The following MEX3D variants were observed in gnomAD, a reference collection of about 807,000 sequenced individuals.
MEX3D encodes RNA-binding protein MEX3D.
A neutral mutation model predicts 6.3 loss-of-function variants in MEX3D; 4 were observed. That is an observed-to-expected ratio of 0.64 (90% CI 0.31 to 1.46). The LOEUF is 1.46. Among genes scored for constraint, MEX3D ranks in the 40% most tolerant of loss-of-function variants. The pLI is 0.07. For synonymous variants in MEX3D, 626 were observed against 494.1 expected (o/e 1.27, Z -3.54); for missense variants, 1,038 against 994.4 (o/e 1.04, Z -0.59).
Position 1,555,123 on chromosome 19 carries a change from C to G in MEX3D, c.*440G>C. The G allele has an allele frequency of 3.0e-6, 1 of 334,346 alleles. No homozygotes were observed. The highest frequency in any genetic ancestry group is 1.1e-4 in the East Asian group (1 of 8,828). 20.7% of individuals were successfully genotyped at this position (334,346 alleles called of 1,614,324 possible). On this transcript the variant is annotated 3_prime_UTR_variant, in exon 2 of 2. Coordinates refer to ENST00000402693, the MANE Select transcript of MEX3D (RefSeq NM_203304.4). Reference sequence around the variant, plus strand: ...AAAATGTCACCCTCCTCCTCTGGAACGTCTGTGCGGCCTGAGACCGGCCGG... The same window carrying G: ...AAAATGTCACCCTCCTCCTCTGGAAGGTCTGTGCGGCCTGAGACCGGCCGG...
rs1435281198 is a variant in MEX3D, at chr19:1,565,613, TCA to T, written c.595+1849_595+1850del. On this transcript the variant is annotated intron_variant, in intron 1 of 1. Coordinates refer to ENST00000402693, the MANE Select transcript of MEX3D (RefSeq NM_203304.4). ...CTAATGGAGGTGAGACGTCCGCACA[TCA>T]CAGAGAGGGGCCGTCATCTGCGCAG... Among the ~76,000 whole-genome samples the T allele has an allele frequency of 2.6e-5, 4 of 152,146 alleles. No individual in the cohort carries two copies. In the East Asian group the frequency reaches 7.7e-4, roughly 29 times the overall value.
intron 1 of MEX3D, among the ~76,000 whole-genome samples, chr19:1,558,978 T>C (rs1914651763): frequency 6.6e-6 from 1 of 151,184 alleles, no homozygotes; most frequent in South Asian, 2.1e-4. Flanking sequence ...GGGGCCTTAA[T>C]GGTTTTTTTT....
At chr19:1,565,366 A>AC (rs1477745935) in intron 1 of MEX3D, among the ~76,000 whole-genome samples, 1 of 152,064 alleles carries the variant, frequency 6.6e-6, no homozygotes, top group African/African-American at 2.4e-5. Context: ...ACATGGTGAA[A>AC]CCCCGTCTCT....
rs1340267229 is a variant in MEX3D, at chr19:1,556,188, C to A, written c.1331G>T (p.Gly444Val). 1.4e-6 allele frequency: 2 copies of A among 1,454,308 alleles called. No homozygotes were observed. Among genetic ancestry groups the A allele is most frequent in the Middle Eastern group, 2.2e-4 (1 of 4,620 alleles). The allele number at this position is 1,454,308 out of a possible 1,614,324, so 90.1% of individuals were successfully genotyped here. ...GTCGCAGTCGTCGGGGGCGGCCGTC[C>A]CCACCGGGGCACCGGGACCCTCCGC... ...FGAEGPGAPV[G>V]TAAPDDCDFG... is the part of the protein sequence containing the mutation. The change falls in exon 2 of 2, where the codon GGG becomes GTG. Residue 444 changes from glycine to valine, a missense_variant. Transcript: ENST00000402693. The surrounding 1 kb of genome is among the most constrained non-coding windows in gnomAD (Gnocchi z 7.5).
intron 1 of MEX3D, among the ~76,000 whole-genome samples, chr19:1,563,707 C>A (rs944685544): frequency 6.6e-6 from 1 of 152,126 alleles, no homozygotes; most frequent in Non-Finnish European, 1.5e-5. Context: ...TGCCTGTCTC[C>A]CAGACAGGGC....
Position 1,555,948 on chromosome 19 carries a change from C to A in MEX3D, c.1571G>T (p.Arg524Leu), listed in dbSNP as rs1230314184. The change falls in exon 2 of 2, where the codon CGC (arginine) becomes CTC (leucine). Residue 524 changes from arginine to leucine, a missense_variant. By Grantham distance (102) the Arg-to-Leu change is moderately radical. Around this residue, in one of 5 missense-constraint regions of MEX3D, gnomAD observed 581 missense variants for 516.2 expected, o/e 1.13. Coordinates refer to ENST00000402693, the MANE Select transcript of MEX3D (RefSeq NM_203304.4). Reference sequence around the variant, plus strand: ...ACGGCGAGACAGCGGGAGCTCCAGGCGGAGGCCGCCGGGCTCGGGCAGCGT... The same window carrying A: ...ACGGCGAGACAGCGGGAGCTCCAGGAGGAGGCCGCCGGGCTCGGGCAGCGT... ...SPTLPEPGGLRLELPLSRRGA... is the reference protein window; with the variant it reads ...SPTLPEPGGLLLELPLSRRGA... 13 of 1,171,640 alleles carry A rather than the reference C, an allele frequency of 1.1e-5. No homozygotes were observed. In the East Asian group the frequency reaches 5.0e-4, roughly 45 times the overall value. 72.6% of individuals were successfully genotyped at this position (1,171,640 alleles called of 1,614,324 possible).
chr19:1,567,140 G>A lies in MEX3D; in HGVS notation c.595+324C>T, dbSNP rs1372104717. On this transcript the variant is annotated intron_variant, in intron 1 of 1. Coordinates refer to ENST00000402693, the MANE Select transcript of MEX3D (RefSeq NM_203304.4). The surrounding 1 kb of genome is among the most constrained non-coding windows in gnomAD (Gnocchi z 6.5). ...CCCGGCCGGAGCCCCGGGCCCTCGA[G>A]CCCCTCTCTGGGGTGCCCCTGCGGG... 1.3e-5 allele frequency among the ~76,000 whole-genome samples: 2 copies of A among 152,032 alleles called. No individual in the cohort carries two copies. Among genetic ancestry groups the A allele is most frequent in the Non-Finnish European group, 2.9e-5 (2 of 67,964 alleles).
chr19:1,561,425 C>T lies in MEX3D; in HGVS notation c.596-4502G>A, dbSNP rs560133889. ...ACGCAGCCGCCCCCAGCCAGGCAGC[C>T]GGGTGACGCGGGACAGCAGCATCCC... On this transcript the variant is annotated intron_variant, in intron 1 of 1. Coordinates refer to ENST00000402693, the MANE Select transcript of MEX3D (RefSeq NM_203304.4). Among the ~76,000 whole-genome samples, 25 of 152,188 alleles carry T rather than the reference C, an allele frequency of 1.6e-4. 1 individual carries two copies. The highest frequency in any genetic ancestry group is 1.5e-4 in the Non-Finnish European group (10 of 68,036).
chr19:1,557,312 C>A (rs538973874), intron 1 of MEX3D, among the ~76,000 whole-genome samples: 10 of 152,130 alleles, frequency 6.6e-5, no homozygotes, highest in Non-Finnish European at 1.0e-4. Context: ...CCCATGTAAT[C>A]CCAGCACTTT....
At position 1,568,036 on chromosome 19, in the gene MEX3D, G is replaced by T. The variant is rs1914900414; in HGVS notation, c.23C>A (p.Pro8His). The change falls in exon 1 of 2, where the codon CCC becomes CAC. Residue 8 changes from proline to histidine, a missense_variant. By Grantham distance (77) the Pro-to-His change is moderately conservative (BLOSUM62 -2). Transcript: ENST00000402693. Reference sequence around the variant, plus strand: ...GCCGCCCCCGCCCCCGCCGCCGTCGGGCTGGCCGAGCGAGCTGGGCATGGC... The same window carrying T: ...GCCGCCCCCGCCCCCGCCGCCGTCGTGCTGGCCGAGCGAGCTGGGCATGGC... Reference protein sequence around the residue: MPSSLGQPDGGGGGGGGG... With the variant: MPSSLGQHDGGGGGGGGG... 1.0e-6 allele frequency: 1 copy of T among 978,550 alleles called. No individual in the cohort carries two copies. The highest frequency in any genetic ancestry group is 6.4e-5 in the Admixed American group (1 of 15,614). The allele number at this position is 978,550 out of a possible 1,614,324, so 60.6% of individuals were successfully genotyped here.
At chr19:1,558,576 C>T (rs1263478280) in intron 1 of MEX3D, among the ~76,000 whole-genome samples, 1 of 152,170 alleles carries the variant, frequency 6.6e-6, no homozygotes, top group Non-Finnish European at 1.5e-5. Flanking sequence ...TTTCAAGCCC[C>T]CATTGTGTCA....
chr19:1,561,777 G>A (rs1163840104), intron 1 of MEX3D, among the ~76,000 whole-genome samples: 1 of 152,056 alleles, frequency 6.6e-6, no homozygotes, highest in Non-Finnish European at 1.5e-5. Context: ...CCGAGTAGCT[G>A]GGACTACAGT....
chr19:1,558,757 G>A (rs574328367), intron 1 of MEX3D, among the ~76,000 whole-genome samples: 8 of 152,198 alleles, frequency 5.3e-5, no homozygotes, highest in Non-Finnish European at 8.8e-5. Flanking sequence ...GACTGCAGAC[G>A]CCCGCACCCT....
Position 1,556,923 on chromosome 19 carries a change from C to A in MEX3D, c.596G>T (p.Gly199Val). The change falls in exon 2 of 2, where the codon GGC becomes GTC. Residue 199 changes from glycine (G) to valine (V), a missense_variant and splice_region_variant. By Grantham distance (109) the Gly-to-Val change is moderately radical. Around this residue, in one of 5 missense-constraint regions of MEX3D, gnomAD observed 75 missense variants for 125.1 expected, o/e 0.60. Transcript: ENST00000402693. This position sits in a 1 kb window ranked among gnomAD's most constrained non-coding sequence, Gnocchi z 7.5. ...EHVAEIVGRQ[G>V]CKIKALRAKT... ...GGCCCGCAGGGCCTTGATCTTGCAG[C>A]CTGTCCGGGAGGGAGGGGAAGGACA... 1 of 1,599,156 alleles carries A rather than the reference C, an allele frequency of 6.3e-7. No homozygotes were observed. The highest frequency in any genetic ancestry group is 8.5e-7 in the Non-Finnish European group (1 of 1,174,730).
rs768086480 is a variant in MEX3D, at chr19:1,556,658, C to G, written c.861G>C (p.Leu287=). Residue 287 remains leucine, a synonymous_variant, in exon 2 of 2, where the codon CTG becomes CTC. Coordinates refer to ENST00000402693, the MANE Select transcript of MEX3D (RefSeq NM_203304.4). This position sits in a 1 kb window ranked among gnomAD's most constrained non-coding sequence, Gnocchi z 7.5. ...QVRVPYRVVG[L]VVGPKGATIK... ...TGGTGGCGCCCTTGGGCCCCACCAC[C>G]AGCCCCACCACCCGGTAGGGCACGC... 3 of 1,610,810 alleles carry G rather than the reference C, an allele frequency of 1.9e-6. No individual in the cohort carries two copies. The highest frequency in any genetic ancestry group is 2.5e-6 in the Non-Finnish European group (3 of 1,179,088).
chr19:1,563,321 G>A (rs890485542), intron 1 of MEX3D, among the ~76,000 whole-genome samples: 1 of 152,168 alleles, frequency 6.6e-6, no homozygotes, highest in African/African-American at 2.4e-5. Flanking sequence ...CAGCTGAGGG[G>A]AACAACCTAA....
chr19:1,567,434 G>A lies in MEX3D; in HGVS notation c.595+30C>T, dbSNP rs778430697. Reference sequence around the variant, plus strand: ...GGGGCGGACGGTGCGGGGACCCCCAGGACAGCAACCCCCGACGAGGGCCAC... The same window carrying A: ...GGGGCGGACGGTGCGGGGACCCCCAAGACAGCAACCCCCGACGAGGGCCAC... On this transcript the variant is annotated intron_variant, in intron 1 of 1. Coordinates refer to ENST00000402693, the MANE Select transcript of MEX3D (RefSeq NM_203304.4). The surrounding 1 kb of genome is among the most constrained non-coding windows in gnomAD (Gnocchi z 6.5). 19 of 1,549,216 alleles carry A rather than the reference G, an allele frequency of 1.2e-5. No homozygotes were observed. The Admixed American group carries it at 1.3e-4, about 11-fold the overall frequency.
At chr19:1,558,603 G>A (rs975227022) in intron 1 of MEX3D, among the ~76,000 whole-genome samples, 6 of 152,300 alleles carry the variant, frequency 3.9e-5, no homozygotes, top group African/African-American at 9.6e-5. Context: ...AGAGCAACTG[G>A]AGACCCTCTG....
intron 1 of MEX3D, among the ~76,000 whole-genome samples, chr19:1,559,279 C>CCA: frequency 6.6e-6 from 1 of 152,188 alleles, no homozygotes; most frequent in Non-Finnish European, 1.5e-5. Context: ...TTACAGGCGC[C>CCA]CACCACCACA....
Sources: allele counts gnomAD v4.1 joint callset (sites outside exome capture counted in the v4.1 genomes callset), GRCh38; gene constraint gnomAD v4.1.1; regional missense constraint gnomAD v4.1.1; non-coding constraint Gnocchi (gnomAD v3.1); transcripts MANE v1.5; gene names NCBI Gene and HGNC (gene_info 2026-07-23, HGNC 2026-07-21).